DLG2: variants seen among roughly 807,000 people sequenced by gnomAD.
The protein encoded by DLG2 is discs large MAGUK scaffold protein 2.
In DLG2, 45 loss-of-function variants were observed where a neutral mutation model predicts 132.5. The observed-to-expected ratio is 0.34, with a 90% CI of 0.27 to 0.44. The LOEUF (loss-of-function observed/expected upper bound fraction) is 0.44. Among genes scored for constraint, DLG2 ranks in the 20% least tolerant of loss-of-function variants. The pLI, the probability that DLG2 is intolerant of heterozygous loss-of-function variation, is 1.00. For synonymous variants in DLG2, 424 were observed against 419.6 expected (o/e 1.01, Z -0.13); for missense variants, 1,045 against 1,196.9 (o/e 0.87, Z 1.87).
chr11:85,482,370 T>A (rs1303833113), intron 3 of DLG2, among the ~76,000 whole-genome samples: 1 of 151,990 alleles, frequency 6.6e-6, no homozygotes, highest in Non-Finnish European at 1.5e-5. Flanking sequence ...CTCCAGGCCT[T>A]CCCAGTGCAA....
chr11:84,983,962 T>C (rs1226546931), intron 6 of DLG2, among the ~76,000 whole-genome samples: 1 of 151,944 alleles, frequency 6.6e-6, no homozygotes, highest in African/African-American at 2.4e-5. Flanking sequence ...AAAAAGAAAA[T>C]TGAACAAAGC....
intron 18 of DLG2, among the ~76,000 whole-genome samples, chr11:83,735,875 A>T (rs2091829817): frequency 6.6e-6 from 1 of 152,172 alleles, no homozygotes; most frequent in Non-Finnish European, 1.5e-5. Context: ...TGACTAATCA[A>T]AATTAGCAAT....
At chr11:85,397,813 C>T (rs1189867131) in intron 3 of DLG2, among the ~76,000 whole-genome samples, 1 of 151,962 alleles carries the variant, frequency 6.6e-6, no homozygotes, top group Non-Finnish European at 1.5e-5. Context: ...TCTTAGACTC[C>T]CAAACAATAA....
At chr11:85,510,801 G>T (rs894774870) in intron 3 of DLG2, among the ~76,000 whole-genome samples, 1 of 152,176 alleles carries the variant, frequency 6.6e-6, no homozygotes, top group Non-Finnish European at 1.5e-5. Flanking sequence ...AACCATTGTG[G>T]AAGTCAGTGT....
chr11:84,806,216 G>A (rs1239097105), intron 6 of DLG2, among the ~76,000 whole-genome samples: 1 of 152,024 alleles, frequency 6.6e-6, no homozygotes. Flanking sequence ...TGTGTCATCA[G>A]GGTTCCAGAA....
At position 83,753,863 on chromosome 11, in the gene DLG2, T is replaced by TCA. The variant is rs1566832657; in HGVS notation, c.1825+32826_1825+32827insTG. ...ATATATCATATATATCATATATATA[T>TCA]TTCATATATATGATATATATCATAT... On this transcript the variant is annotated intron_variant, in intron 18 of 27. Coordinates refer to ENST00000376104, the MANE Select transcript of DLG2 (RefSeq NM_001142699.3). 1.8e-3 allele frequency among the ~76,000 whole-genome samples: 22 copies of TCA among 12,160 alleles called. 1 individual carries two copies. Among genetic ancestry groups the TCA allele is most frequent in the African/African-American group, 0.015 (21 of 1,394 alleles). 8.0% of individuals were successfully genotyped at this position (12,160 alleles called of 152,430 possible). A position where few individuals can be genotyped will look rare whatever the true frequency, so the allele number is the denominator to read the frequency against.
chr11:85,529,343 A>C (rs538004318), intron 3 of DLG2, among the ~76,000 whole-genome samples: 82 of 152,336 alleles, frequency 5.4e-4, no homozygotes, highest in African/African-American at 1.9e-3. Context: ...TTCAGAAATT[A>C]TTTATTGCTG....
intron 18 of DLG2, among the ~76,000 whole-genome samples, chr11:83,655,036 T>G (rs186179591): frequency 6.6e-6 from 1 of 152,206 alleles, no homozygotes; most frequent in African/African-American, 2.4e-5. Flanking sequence ...CCAGGTGGCA[T>G]GAAGTAGACG....
At chr11:85,527,598 G>A (rs2074878208) in intron 3 of DLG2, among the ~76,000 whole-genome samples, 1 of 152,086 alleles carries the variant, frequency 6.6e-6, no homozygotes, top group African/African-American at 2.4e-5. Context: ...GTCTATCATT[G>A]ATGGGCATTT....
chr11:83,596,152 T>C (rs2057539204), intron 19 of DLG2, among the ~76,000 whole-genome samples: 1 of 152,172 alleles, frequency 6.6e-6, no homozygotes, highest in South Asian at 2.1e-4. Flanking sequence ...GATTTAACTA[T>C]GACTATGACT....
intron 10 of DLG2, among the ~76,000 whole-genome samples, chr11:84,066,269 C>A (rs2096670932): frequency 6.6e-6 from 1 of 152,090 alleles, no homozygotes; most frequent in Non-Finnish European, 1.5e-5. Flanking sequence ...AATATTAGAG[C>A]TTAAATAAGT....
intron 6 of DLG2, among the ~76,000 whole-genome samples, chr11:85,003,306 G>A (rs1047311075): frequency 2.0e-5 from 3 of 152,024 alleles, no homozygotes; most frequent in African/African-American, 4.8e-5. Flanking sequence ...GGCACACACC[G>A]ATGACATCCC....
At chr11:83,462,784 T>C (rs2090277166) in intron 26 of DLG2, among the ~76,000 whole-genome samples, 1 of 152,188 alleles carries the variant, frequency 6.6e-6, no homozygotes, top group Admixed American at 6.5e-5. Context: ...ATATGACATA[T>C]ACTCCAAAAA....
At chr11:85,618,047 A>G (rs1160571680) in intron 2 of DLG2, among the ~76,000 whole-genome samples, 3 of 152,234 alleles carry the variant, frequency 2.0e-5, no homozygotes, top group East Asian at 1.9e-4. Context: ...TGATTTGGCC[A>G]TAATTCTTGA....
intron 21 of DLG2, among the ~76,000 whole-genome samples, chr11:83,530,747 A>G (rs1168521815): frequency 6.6e-6 from 1 of 151,978 alleles, no homozygotes; most frequent in Non-Finnish European, 1.5e-5. Context: ...AGCTGGTGCA[A>G]TTAAGCAAGG....
chr11:85,423,782 C>G (rs1355017089), intron 3 of DLG2, among the ~76,000 whole-genome samples: 2 of 152,142 alleles, frequency 1.3e-5, no homozygotes, highest in Admixed American at 1.3e-4. Flanking sequence ...CCACCATGCC[C>G]CCACCAACAG....
chr11:85,350,332 C>G (rs1358352716), intron 3 of DLG2, among the ~76,000 whole-genome samples: 4 of 152,118 alleles, frequency 2.6e-5, no homozygotes, highest in Admixed American at 2.6e-4. Flanking sequence ...GAGTAGATTG[C>G]AAAAATTTTC....
At chr11:83,862,282 C>A (rs1290129115) in intron 16 of DLG2, among the ~76,000 whole-genome samples, 1 of 152,132 alleles carries the variant, frequency 6.6e-6, no homozygotes, top group Non-Finnish European at 1.5e-5. Flanking sequence ...GAGATCCTGT[C>A]ATTGGCAACA....
At chr11:84,329,950 C>T (rs554163614) in intron 7 of DLG2, among the ~76,000 whole-genome samples, 1 of 152,318 alleles carries the variant, frequency 6.6e-6, no homozygotes, top group East Asian at 1.9e-4. Context: ...TAGCTATGAA[C>T]TTGGGCAAGT....
Sources: gnomAD v4.1 joint callset for allele counts (sites outside exome capture counted in the v4.1 genomes callset) on GRCh38, gnomAD v4.1.1 for gene constraint, MANE v1.5 for transcripts, NCBI Gene and HGNC (gene_info 2026-07-23, HGNC 2026-07-21) for gene names.